The following RASSF5 variants were observed in gnomAD, a reference collection of about 807,000 sequenced individuals.
RASSF5 encodes the protein ras association domain-containing protein 5.
A neutral mutation model predicts 40.5 loss-of-function variants in RASSF5; 25 were observed. The observed-to-expected ratio is 0.62, with a 90% CI of 0.45 to 0.86. The LOEUF (loss-of-function observed/expected upper bound fraction) is 0.86. RASSF5 is among the 40% of genes least tolerant of loss of function. The probability of loss-of-function intolerance (pLI) is 0.00; values close to 1 mark genes in which losing one functional copy is unlikely to be tolerated. For missense variants in RASSF5, 521 were observed against 572.8 expected (o/e 0.91, Z 0.92); for synonymous variants, 246 against 252.4 (o/e 0.97, Z 0.24).
intron 3 of RASSF5, 105 bp downstream of exon 3, chr1:206,583,484 C>T (rs1668977849): frequency 1.3e-6 from 1 of 769,640 alleles, no homozygotes; most frequent in African/African-American, 1.7e-5. Flanking sequence ...TGGCAGGTCC[C>T]CTCCCTTTCC....
chr1:206,537,960 CA>C (rs150815547), intron 1 of RASSF5, among the ~76,000 whole-genome samples: 3,110 of 152,328 alleles, frequency 0.02, 118 homozygotes, highest in African/African-American at 0.071. Context: ...CAGGTGAAAG[CA>C]GTTTGCAAAC....
At chr1:206,510,265 T>C (rs1264709361) in intron 1 of RASSF5, among the ~76,000 whole-genome samples, 1 of 152,120 alleles carries the variant, frequency 6.6e-6, no homozygotes, top group African/African-American at 2.4e-5. Context: ...TTAAAAAAAA[T>C]CATACTATGC....
intron 1 of RASSF5, among the ~76,000 whole-genome samples, chr1:206,515,028 C>T (rs563717771): frequency 3.3e-5 from 5 of 152,324 alleles, no homozygotes; most frequent in Non-Finnish European, 7.3e-5. Context: ...AGTCAAATGA[C>T]TTCGCTAAGA....
chr1:206,583,013 G>A (rs571726323), intron 2 of RASSF5: 139 of 424,226 alleles, frequency 3.3e-4, no homozygotes, highest in South Asian at 2.9e-3. Flanking sequence ...TGTGCAGTAG[G>A]TATTGTTCCC....
chr1:206,538,184 C>T lies in RASSF5; in HGVS notation c.470C>T (p.Thr157Ile). 37 of 1,614,234 alleles carry T rather than the reference C, an allele frequency of 2.3e-5. No individual in the cohort carries two copies. The highest frequency in any genetic ancestry group is 3.1e-5 in the Non-Finnish European group (36 of 1,180,040). ...QALRCTNCKF[T>I]CHPECRSLIQ... ...TCTTTACCTCCAGACTGTAAATTCACCTGTCACCCAGAATGCCGCAGCCTG... is the reference window on the plus strand; with the variant it reads ...TCTTTACCTCCAGACTGTAAATTCATCTGTCACCCAGAATGCCGCAGCCTG... Residue 157 changes from threonine (T) to isoleucine (I), a missense_variant, in exon 2 of 6, where the codon ACC (threonine) becomes ATC (isoleucine). Transcript: ENST00000579436.
At chr1:206,567,186 G>A (rs1553403528) in intron 2 of RASSF5, among the ~76,000 whole-genome samples, 1 of 152,114 alleles carries the variant, frequency 6.6e-6, no homozygotes. Context: ...GGCAGGGCTG[G>A]GTCACTAAGC....
intron 2 of RASSF5, among the ~76,000 whole-genome samples, chr1:206,547,962 G>GT (rs1243940711): frequency 6.6e-6 from 1 of 151,992 alleles, no homozygotes; most frequent in African/African-American, 2.4e-5. Context: ...CTGATGATGA[G>GT]TTTTTTCAAC....
Position 206,507,715 on chromosome 1 carries a change from C to T in RASSF5, c.113C>T (p.Pro38Leu), listed in dbSNP as rs557108539. Reference sequence around the variant, plus strand: ...GGCCCCGAGCTACCGCCGCCGCCCCCCGACCGGTCCTCGCGCCTCTGTGTC... The same window carrying T: ...GGCCCCGAGCTACCGCCGCCGCCCCTCGACCGGTCCTCGCGCCTCTGTGTC... ...LSGPELPPPPPDRSSRLCVPA... is the reference protein window; with the variant it reads ...LSGPELPPPPLDRSSRLCVPA... The change falls in exon 1 of 6, where the codon CCC becomes CTC. Residue 38 changes from proline (P) to leucine (L), a missense_variant. This residue lies in a region of RASSF5 where 237 missense variants were observed against 212.0 expected (regional missense o/e 1.12). Transcript: ENST00000579436. 1.1e-5 allele frequency: 17 copies of T among 1,486,722 alleles called. 1 individual carries two copies. The highest frequency in any genetic ancestry group is 7.6e-5 in the South Asian group (6 of 78,714). 92.1% of individuals were successfully genotyped at this position (1,486,722 alleles called of 1,614,324 possible).
intron 1 of RASSF5, chr1:206,529,074 T>C (rs1667169221): frequency 9.5e-7 from 1 of 1,054,622 alleles, no homozygotes; most frequent in Admixed American, 2.1e-5. Flanking sequence ...CTTTGTGAAA[T>C]GGCCCTGCTA....
intron 2 of RASSF5, among the ~76,000 whole-genome samples, chr1:206,569,878 G>T (rs1286564121): frequency 6.6e-6 from 1 of 152,098 alleles, no homozygotes; most frequent in African/African-American, 2.4e-5. Context: ...CCTAGGAAAA[G>T]AGCCTGGTCT....
Position 206,531,364 on chromosome 1 carries a change from G to A in RASSF5, c.458-6808G>A, listed in dbSNP as rs879967339. Reference sequence around the variant, plus strand: ...GTGGCCGAGGAGATCCGGAGCAGGCGGTGAGGTTGCAGAGGGAACAACTGT... The same window carrying A: ...GTGGCCGAGGAGATCCGGAGCAGGCAGTGAGGTTGCAGAGGGAACAACTGT... On this transcript the variant is annotated intron_variant, in intron 1 of 5. Coordinates refer to ENST00000579436, the MANE Select transcript of RASSF5 (RefSeq NM_182663.4). The surrounding 1 kb of genome is among the most constrained non-coding windows in gnomAD (Gnocchi z 4.7). Among the ~76,000 whole-genome samples the A allele has an allele frequency of 3.9e-5, 6 of 152,342 alleles. No individual in the cohort carries two copies. Among genetic ancestry groups the A allele is most frequent in the East Asian group, 3.9e-4 (2 of 5,188 alleles).
At chr1:206,553,386 G>A (rs1572334849) in intron 2 of RASSF5, among the ~76,000 whole-genome samples, 1 of 152,260 alleles carries the variant, frequency 6.6e-6, no homozygotes, top group East Asian at 1.9e-4. Context: ...AAAGGTAGGG[G>A]GTTTGGAGGA....
At chr1:206,543,287 G>A (rs1667591563) in intron 2 of RASSF5, 1 of 151,880 alleles carries the variant, frequency 6.6e-6, no homozygotes, top group Non-Finnish European at 1.5e-5. Context: ...GGGAGATGCT[G>A]CCCTATCGAG....
chr1:206,526,134 G>A lies in RASSF5; in HGVS notation c.458-12038G>A, dbSNP rs371026480. Among the ~76,000 whole-genome samples, 12 of 152,284 alleles carry A rather than the reference G, an allele frequency of 7.9e-5. No homozygotes were observed. In the East Asian group the frequency reaches 1.5e-3, roughly 20 times the overall value. On this transcript the variant is annotated intron_variant, in intron 1 of 5. Coordinates refer to ENST00000579436, the MANE Select transcript of RASSF5 (RefSeq NM_182663.4). Reference sequence around the variant, plus strand: ...CCCTCTTGGCTGTTCTCACAGAGACGACAGCCCCTGTGTGTCAGCTGCCCA... The same window carrying A: ...CCCTCTTGGCTGTTCTCACAGAGACAACAGCCCCTGTGTGTCAGCTGCCCA...
intron 1 of RASSF5, among the ~76,000 whole-genome samples, chr1:206,510,609 G>T (rs1238799599): frequency 2.6e-5 from 4 of 152,124 alleles, no homozygotes; most frequent in African/African-American, 9.7e-5. Context: ...TGCGAACTCT[G>T]CCTGGTTGCT....
intron 2 of RASSF5, among the ~76,000 whole-genome samples, chr1:206,546,866 A>C (rs1553400257): frequency 6.6e-6 from 1 of 152,252 alleles, no homozygotes; most frequent in African/African-American, 2.4e-5. Flanking sequence ...CTTTAGCACC[A>C]TCTTAAAGTT....
Position 206,588,631 on chromosome 1 carries a change from CCT to C in RASSF5, c.*1654_*1655del, listed in dbSNP as rs1167932138. ...TGACCCAGGCTGAGTCCATACTGCCCCTGATCCCAGAAGGAATGCTGACCCCT... is the reference window on the plus strand; with the variant it reads ...TGACCCAGGCTGAGTCCATACTGCCCGATCCCAGAAGGAATGCTGACCCCT... On this transcript the variant is annotated 3_prime_UTR_variant, in exon 6 of 6. Transcript: ENST00000579436. The C allele has an allele frequency of 6.6e-6, 1 of 152,392 alleles. No homozygotes were observed. The highest frequency in any genetic ancestry group is 2.4e-5 in the African/African-American group (1 of 41,418). The allele number at this position is 152,392 out of a possible 1,614,324, so 9.4% of individuals were successfully genotyped here.
chr1:206,575,034 G>GT (rs376096611), intron 2 of RASSF5, among the ~76,000 whole-genome samples: 93 of 107,646 alleles, frequency 8.6e-4, no homozygotes, highest in Non-Finnish European at 1.2e-3. Context: ...TTTTGTTTTT[G>GT]TTTTTTTTTT....
intron 1 of RASSF5, among the ~76,000 whole-genome samples, chr1:206,521,491 G>A (rs891018672): frequency 3.3e-5 from 5 of 152,124 alleles, no homozygotes; most frequent in Non-Finnish European, 5.9e-5. Context: ...GCATACCTGC[G>A]GTGCATTCAT....
Sources: gnomAD v4.1 joint callset for allele counts (sites outside exome capture counted in the v4.1 genomes callset) on GRCh38, gnomAD v4.1.1 for gene constraint, gnomAD v4.1.1 regional missense constraint, Gnocchi (gnomAD v3.1) non-coding constraint, MANE v1.5 for transcripts, NCBI Gene and HGNC (gene_info 2026-07-23, HGNC 2026-07-21) for gene names.